The following PPIL2 variants were observed in gnomAD, a reference collection of about 807,000 sequenced individuals.
PPIL2 encodes the protein peptidylprolyl isomerase like 2, also known as RING-type E3 ubiquitin-protein ligase PPIL2.
PPIL2 carries 50 observed loss-of-function variants against 75.2 expected under a neutral mutation model. The ratio of observed to expected loss-of-function variants is 0.66; its 90% confidence interval spans 0.53 to 0.84. The LOEUF (loss-of-function observed/expected upper bound fraction) is 0.84. Among genes scored for constraint, PPIL2 ranks in the 40% least tolerant of loss-of-function variants. The pLI is 0.00. For synonymous variants in PPIL2, 245 were observed against 258.8 expected (o/e 0.95, Z 0.51); for missense variants, 590 against 685.0 (o/e 0.86, Z 1.55).
In PPIL2 at chr22:21,678,790, G is replaced by T. The variant is rs1265291756; in HGVS notation, c.296-2509G>T. 2.6e-5 allele frequency among the ~76,000 whole-genome samples: 4 copies of T among 152,042 alleles called. No individual in the cohort carries two copies. The East Asian group carries it at 7.7e-4, about 29-fold the overall frequency. On this transcript the variant is annotated intron_variant, in intron 6 of 19. Transcript: ENST00000398831. ...TGCCCAGGCTGGAGTGTAGTGGCAT[G>T]ATCAGAGCGCACTGTTGCTTCGACC...
rs74664901 is a variant in PPIL2 at position 21,683,291 on chromosome 22, G to A, written c.553+34G>A. 359 of 1,564,754 alleles carry A rather than the reference G, an allele frequency of 2.3e-4. 1 individual carries two copies. In the African/African-American group the frequency reaches 4.0e-3, roughly 18 times the overall value. On this transcript the variant is annotated intron_variant, in intron 9 of 19. Coordinates refer to ENST00000398831, the MANE Select transcript of PPIL2 (RefSeq NM_014337.4). ...ACCTAGGGGCTGGGCTAGGCGAGGG[G>A]GCTTTTGGATGAAATTGGGACAGTG...
At position 21,697,312 on chromosome 22, in the gene PPIL2, A is replaced by C; in HGVS notation, c.*1822A>C. On this transcript the variant is annotated 3_prime_UTR_variant, in exon 20 of 20. Coordinates refer to ENST00000398831, the MANE Select transcript of PPIL2 (RefSeq NM_014337.4). Reference sequence around the variant, plus strand: ...CAGGGAGGGAGAAGCAGGTTTGGAGAGGACCCTGTGCCCACCCTGACAGAC... The same window carrying C: ...CAGGGAGGGAGAAGCAGGTTTGGAGCGGACCCTGTGCCCACCCTGACAGAC... 3.0e-6 allele frequency: 1 copy of C among 330,362 alleles called. No homozygotes were observed. Among genetic ancestry groups the C allele is most frequent in the African/African-American group, 2.1e-5 (1 of 47,538 alleles). 20.5% of individuals were successfully genotyped at this position (330,362 alleles called of 1,614,324 possible).
chr22:21,695,426 G>A lies in PPIL2; in HGVS notation c.1499G>A (p.Ser500Asn), dbSNP rs772434566. 2.5e-6 allele frequency: 4 copies of A among 1,610,512 alleles called. No individual in the cohort carries two copies. The highest frequency in any genetic ancestry group is 2.5e-6 in the Non-Finnish European group (3 of 1,178,460). ...GCAGCAGAGGAAGAGCCCTCAACCA[G>A]TGCCACTGTCCCCATGTCCAAGAAG... ...KRAAEEEPST[S>N]ATVPMSKKKP... The change falls in exon 20 of 20, where the codon AGT (serine) becomes AAT (asparagine). Residue 500 changes from serine (S) to asparagine (N), a missense_variant. Coordinates refer to ENST00000398831, the MANE Select transcript of PPIL2 (RefSeq NM_014337.4).
At chr22:21,678,893 AT>A (rs10706275) in intron 6 of PPIL2, among the ~76,000 whole-genome samples, 59,063 of 118,102 alleles carry the variant, frequency 0.5, 13,701 homozygotes, top group Non-Finnish European at 0.55. Flanking sequence ...TGCCCAGCCA[AT>A]TTTTTTTTTT....
In PPIL2 at chr22:21,692,392, G is replaced by A. The variant is rs529412738; in HGVS notation, c.1140-1424G>A. Among the ~76,000 whole-genome samples the A allele has an allele frequency of 1.7e-4, 26 of 151,604 alleles. No individual in the cohort carries two copies. The South Asian group carries it at 5.4e-3, about 32-fold the overall frequency. ...GATGGTCTCGATCTCCTGACCTTGT[G>A]ATCCGCCCACCTTGGCCTCCCAAAG... On this transcript the variant is annotated intron_variant, in intron 15 of 19. Coordinates refer to ENST00000398831, the MANE Select transcript of PPIL2 (RefSeq NM_014337.4).
At chr22:21,668,010 C>T (rs191170084) in intron 1 of PPIL2, among the ~76,000 whole-genome samples, 146 of 152,122 alleles carry the variant, frequency 9.6e-4, no homozygotes, top group Middle Eastern at 3.4e-3. Context: ...CTCCTGACGT[C>T]GAGTGATCGA....
chr22:21,676,667 A>G (rs2148517251), intron 6 of PPIL2, among the ~76,000 whole-genome samples: 1 of 151,562 alleles, frequency 6.6e-6, no homozygotes, highest in African/African-American at 2.4e-5. Context: ...TTCAGAGAGC[A>G]CAGGGTTGGG....
chr22:21,669,970 A>G lies in PPIL2; in HGVS notation c.82+8A>G, dbSNP rs767152383. The G allele has an allele frequency of 3.1e-6, 5 of 1,611,988 alleles. No homozygotes were observed. Among genetic ancestry groups the G allele is most frequent in the Non-Finnish European group, 4.2e-6 (5 of 1,178,106 alleles). On this transcript the variant is annotated splice_region_variant and intron_variant, in intron 2 of 19. Transcript: ENST00000398831. ...ATGGTGGCAAGAAGCCAGGTAAGGCATGCAGTCTTTCTGTTCCCCGTTGGG... is the reference window on the plus strand; with the variant it reads ...ATGGTGGCAAGAAGCCAGGTAAGGCGTGCAGTCTTTCTGTTCCCCGTTGGG...
chr22:21,671,090 A>G (rs1601509538), intron 4 of PPIL2, 31 bp downstream of exon 4: 1 of 1,580,064 alleles, frequency 6.3e-7, no homozygotes, highest in Non-Finnish European at 8.7e-7. Flanking sequence ...TGATCTAACA[A>G]ATGTGAGATT....
intron 15 of PPIL2, among the ~76,000 whole-genome samples, chr22:21,690,768 G>T (rs2067585773): frequency 6.6e-6 from 1 of 152,108 alleles, no homozygotes; most frequent in Non-Finnish European, 1.5e-5. Context: ...CTGGTTGTTG[G>T]TAGCTTCCCT....
At chr22:21,685,392 A>G (rs1329142811) in intron 10 of PPIL2, among the ~76,000 whole-genome samples, 1 of 151,990 alleles carries the variant, frequency 6.6e-6, no homozygotes, top group African/African-American at 2.4e-5. Flanking sequence ...CATGCCTGGG[A>G]CTGCACGGTG....
chr22:21,686,608 A>AG (rs780273375), intron 11 of PPIL2, 50 bp downstream of exon 11: 2 of 1,571,958 alleles, frequency 1.3e-6, no homozygotes, highest in Non-Finnish European at 1.8e-6. Flanking sequence ...CAAAAGTGGC[A>AG]GGGGGTGGGT....
At chr22:21,690,666 G>T (rs972918100) in intron 15 of PPIL2, among the ~76,000 whole-genome samples, 1 of 152,142 alleles carries the variant, frequency 6.6e-6, no homozygotes, top group Non-Finnish European at 1.5e-5. Flanking sequence ...GCTTCTTCAT[G>T]GTGCTTTTCC....
intron 15 of PPIL2, among the ~76,000 whole-genome samples, chr22:21,692,340 G>A (rs1021371766): frequency 1.3e-5 from 2 of 151,584 alleles, no homozygotes; most frequent in Non-Finnish European, 2.9e-5. Context: ...ATTTTTAGTA[G>A]AGATGGGGTT....
At position 21,696,690 on chromosome 22, in the gene PPIL2, C is replaced by CTTAG; in HGVS notation, c.*1201_*1204dup. On this transcript the variant is annotated 3_prime_UTR_variant, in exon 20 of 20. Coordinates refer to ENST00000398831, the MANE Select transcript of PPIL2 (RefSeq NM_014337.4). Reference sequence around the variant, plus strand: ...TCTAGTTCTTCACACTAAGCCCTAACTTAGGCCTTGTTCTTGGTTTTCTCA... The same window carrying CTTAG: ...TCTAGTTCTTCACACTAAGCCCTAACTTAGTTAGGCCTTGTTCTTGGTTTTCTCA... The CTTAG allele has an allele frequency of 6.5e-7, 1 of 1,534,528 alleles. No individual in the cohort carries two copies. The highest frequency in any genetic ancestry group is 1.2e-5 in the South Asian group (1 of 83,354).
intron 6 of PPIL2, among the ~76,000 whole-genome samples, chr22:21,675,850 A>G (rs904260583): frequency 4.6e-5 from 7 of 152,256 alleles, no homozygotes; most frequent in Non-Finnish European, 8.8e-5. Flanking sequence ...GCCACAGCTC[A>G]TAGAGCCCAG....
At position 21,695,466 on chromosome 22, in the gene PPIL2, T is replaced by C. The variant is rs1207183624; in HGVS notation, c.1539T>C (p.Gly513=). Residue 513 remains glycine, a synonymous_variant, in exon 20 of 20, where the codon GGT becomes GGC. Coordinates refer to ENST00000398831, the MANE Select transcript of PPIL2 (RefSeq NM_014337.4). ...VPMSKKKPSR[G]FGDFSSW is the part of the protein sequence containing the mutation. ...TGTCCAAGAAGAAGCCCAGTCGGGGTTTTGGGGACTTCAGCTCCTGGTAGC... is the reference window on the plus strand; with the variant it reads ...TGTCCAAGAAGAAGCCCAGTCGGGGCTTTGGGGACTTCAGCTCCTGGTAGC... 6.2e-7 allele frequency: 1 copy of C among 1,603,710 alleles called. No individual in the cohort carries two copies. The highest frequency in any genetic ancestry group is 2.2e-5 in the East Asian group (1 of 44,630).
intron 7 of PPIL2, 78 bp downstream of exon 7, chr22:21,681,468 T>A: frequency 7.6e-7 from 1 of 1,314,248 alleles, no homozygotes; most frequent in Non-Finnish European, 1.1e-6. Context: ...CTGGCTGGGC[T>A]GTGTGCTACG....
In PPIL2 at chr22:21,683,257, G is replaced by A; in HGVS notation, c.553G>A (p.Asp185Asn). ...GAATAACATGAAAATAATAGACCCAGGTATGTACACCTAGGGGCTGGGCTA... is the reference window on the plus strand; with the variant it reads ...GAATAACATGAAAATAATAGACCCAAGTATGTACACCTAGGGGCTGGGCTA... ...VKNNMKIIDP[D>N]EEKAKQDPSY... is the part of the protein sequence containing the mutation. Residue 185 changes from aspartate (D) to asparagine (N), a missense_variant and splice_region_variant, in exon 9 of 20, where the codon GAT becomes AAT. By Grantham distance (23) the Asp-to-Asn change is conservative. Transcript: ENST00000398831. 6.2e-7 allele frequency: 1 copy of A among 1,606,822 alleles called. No homozygotes were observed. Among genetic ancestry groups the A allele is most frequent in the Non-Finnish European group, 8.5e-7 (1 of 1,173,376 alleles).
Sources: allele counts gnomAD v4.1 joint callset (sites outside exome capture counted in the v4.1 genomes callset), GRCh38; gene constraint gnomAD v4.1.1; transcripts MANE v1.5; gene names NCBI Gene and HGNC (gene_info 2026-07-23, HGNC 2026-07-21).